The following AGBL4 variants were observed in gnomAD, a reference collection of about 807,000 sequenced individuals.
AGBL4 encodes cytosolic carboxypeptidase 6.
In AGBL4, 58 loss-of-function variants were observed where a neutral mutation model predicts 66.4. The observed-to-expected ratio is 0.87, with a 90% CI of 0.71 to 1.09. AGBL4 has a LOEUF of 1.09. Among genes scored for constraint, AGBL4 ranks in the 50% least tolerant of loss-of-function variants. AGBL4 has a pLI of 0.00. For missense variants in AGBL4, 579 were observed against 631.0 expected (o/e 0.92, Z 0.88); for synonymous variants, 234 against 222.9 (o/e 1.05, Z -0.44).
At chr1:49,938,999 C>T (rs1206663011) in intron 1 of AGBL4, among the ~76,000 whole-genome samples, 1 of 151,996 alleles carries the variant, frequency 6.6e-6, no homozygotes, top group African/African-American at 2.4e-5. Flanking sequence ...GCAACTTCAG[C>T]AAAGTCTCAG....
At chr1:48,709,617 T>TATTATTATTA (rs55900245) in intron 6 of AGBL4, among the ~76,000 whole-genome samples, 6 of 148,712 alleles carry the variant, frequency 4.0e-5, no homozygotes, top group Non-Finnish European at 4.5e-5. Flanking sequence ...TTATTATTAT[T>TATTATTATTA]TTGAGATGGA....
At chr1:49,288,432 T>C (rs1644467390) in intron 3 of AGBL4, among the ~76,000 whole-genome samples, 1 of 151,826 alleles carries the variant, frequency 6.6e-6, no homozygotes, top group African/African-American at 2.4e-5. Flanking sequence ...AGAGAGCATT[T>C]GCTGAATCTG....
chr1:49,245,830 G>A lies in AGBL4; in HGVS notation c.317C>T (p.Thr106Ile), dbSNP rs1273715771. 6.5e-7 allele frequency: 1 copy of A among 1,549,530 alleles called. No individual in the cohort carries two copies. The highest frequency in any genetic ancestry group is 8.7e-7 in the Non-Finnish European group (1 of 1,145,504). ...VIFNIVNFSK[T>I]KSLYRDGMAP... The stretch of plus-strand genomic sequence containing the variant: ...CATCCCATCTCTATAGAGACTCTTG[G>A]TTTTACTGAAGTTAACAATGTTGAA... The change falls in exon 4 of 14, where the codon ACC becomes ATC. Residue 106 changes from threonine to isoleucine, a missense_variant. By Grantham distance (89) the Thr-to-Ile change is moderately conservative. Coordinates refer to ENST00000371839, the MANE Select transcript of AGBL4 (RefSeq NM_032785.4).
chr1:48,910,942 A>C (rs1653036070), intron 5 of AGBL4, among the ~76,000 whole-genome samples: 1 of 152,170 alleles, frequency 6.6e-6, no homozygotes, highest in Non-Finnish European at 1.5e-5. Context: ...CAGGGCTATT[A>C]AAGTGAAGGC....
intron 8 of AGBL4, among the ~76,000 whole-genome samples, chr1:48,642,543 A>T (rs1320828108): frequency 6.6e-6 from 1 of 152,034 alleles, no homozygotes; most frequent in African/African-American, 2.4e-5. Context: ...ATTTCATAAA[A>T]CCCAATCCCC....
chr1:49,239,708 T>C (rs1473999116), intron 4 of AGBL4, among the ~76,000 whole-genome samples: 1 of 152,238 alleles, frequency 6.6e-6, no homozygotes, highest in Middle Eastern at 3.4e-3. Flanking sequence ...AATTAATTTA[T>C]AAATAGACAT....
intron 3 of AGBL4, among the ~76,000 whole-genome samples, chr1:49,441,445 C>A (rs759259008): frequency 6.6e-6 from 1 of 152,134 alleles, no homozygotes. Context: ...CCACTGTGAC[C>A]GACCTGGAAA....
intron 6 of AGBL4, chr1:48,761,057 A>G (rs544202794): frequency 3.8e-5 from 12 of 314,298 alleles, no homozygotes; most frequent in Non-Finnish European, 6.5e-5. Context: ...TGGGCCAAGG[A>G]GAAACACACC....
chr1:49,089,715 G>C (rs1395592127), intron 4 of AGBL4, among the ~76,000 whole-genome samples: 1 of 152,004 alleles, frequency 6.6e-6, no homozygotes, highest in African/African-American at 2.4e-5. Context: ...AAAAAATTGG[G>C]GAGGAAGGAC....
chr1:48,646,096 T>C (rs772248503), intron 8 of AGBL4, among the ~76,000 whole-genome samples: 3 of 152,114 alleles, frequency 2.0e-5, no homozygotes, highest in Non-Finnish European at 4.4e-5. Flanking sequence ...CAAAGTGCTG[T>C]CTCACAGTCA....
chr1:49,206,887 AGAG>A, intron 4 of AGBL4, among the ~76,000 whole-genome samples: 1 of 105,416 alleles, frequency 9.5e-6, no homozygotes, highest in African/African-American at 4.4e-5. Context: ...AGAGGAGAGG[AGAG>A]GAGAGGAGAG....
At chr1:48,818,656 A>G (rs1646242075) in intron 6 of AGBL4, among the ~76,000 whole-genome samples, 1 of 152,196 alleles carries the variant, frequency 6.6e-6, no homozygotes, top group Non-Finnish European at 1.5e-5. Context: ...CTTAAAAACA[A>G]TGGTTATGAA....
intron 11 of AGBL4, among the ~76,000 whole-genome samples, chr1:48,550,825 G>A (rs1644238555): frequency 1.3e-5 from 2 of 152,148 alleles, no homozygotes; most frequent in African/African-American, 2.4e-5. Context: ...GGATTTACCA[G>A]GATTCAGACC....
At chr1:49,836,009 C>T (rs567936953) in intron 2 of AGBL4, among the ~76,000 whole-genome samples, 1 of 152,256 alleles carries the variant, frequency 6.6e-6, no homozygotes, top group East Asian at 1.9e-4. Flanking sequence ...CTGCCCTTAA[C>T]ATTTTTTCCT....
chr1:48,747,547 A>T (rs1650966881), intron 6 of AGBL4, among the ~76,000 whole-genome samples: 1 of 152,222 alleles, frequency 6.6e-6, no homozygotes, highest in Non-Finnish European at 1.5e-5. Flanking sequence ...TATATAGCAT[A>T]CAAATAACTC....
intron 9 of AGBL4, among the ~76,000 whole-genome samples, chr1:48,598,193 G>A (rs1645024998): frequency 6.6e-6 from 1 of 152,146 alleles, no homozygotes; most frequent in African/African-American, 2.4e-5. Flanking sequence ...ATTTTAACAG[G>A]GGAATACTGA....
At chr1:50,017,132 T>C (rs1199977078) in intron 1 of AGBL4, 2 of 152,156 alleles carry the variant, frequency 1.3e-5, no homozygotes, top group Non-Finnish European at 2.9e-5. Context: ...AGCAAATATT[T>C]CTTTACACAA....
chr1:49,716,679 C>T (rs944877534), intron 2 of AGBL4, among the ~76,000 whole-genome samples: 2 of 152,064 alleles, frequency 1.3e-5, no homozygotes, highest in African/African-American at 2.4e-5. Flanking sequence ...ACAAAAACCA[C>T]ATGATTATCT....
At chr1:49,297,204 T>A (rs1056916993) in intron 3 of AGBL4, among the ~76,000 whole-genome samples, 8 of 152,230 alleles carry the variant, frequency 5.3e-5, no homozygotes, top group African/African-American at 1.7e-4. Flanking sequence ...TTTTAAAACA[T>A]TTATTGAGTC....
Sources: allele counts gnomAD v4.1 joint callset (sites outside exome capture counted in the v4.1 genomes callset), GRCh38; gene constraint gnomAD v4.1.1; transcripts MANE v1.5; gene names NCBI Gene and HGNC (gene_info 2026-07-23, HGNC 2026-07-21).